Variants in TNFRSF21 observed in about 807,000 individuals in gnomAD.
TNFRSF21 encodes tumor necrosis factor receptor superfamily member 21.
TNFRSF21 carries 19 observed loss-of-function variants against 45.6 expected under a neutral mutation model. The observed-to-expected ratio is 0.42, with a 90% CI of 0.29 to 0.61. The LOEUF (loss-of-function observed/expected upper bound fraction) is 0.61, where lower values mean the gene tolerates loss of function less well. Among genes scored for constraint, TNFRSF21 ranks in the 20% least tolerant of loss-of-function variants. The pLI, the probability that TNFRSF21 is intolerant of heterozygous loss-of-function variation, is 0.23. For synonymous variants in TNFRSF21, 314 were observed against 335.5 expected (o/e 0.94, Z 0.70); for missense variants, 737 against 851.5 (o/e 0.87, Z 1.67).
At chr6:47,260,755 C>T (rs1335344158) in intron 3 of TNFRSF21, among the ~76,000 whole-genome samples, 2 of 152,172 alleles carry the variant, frequency 1.3e-5, no homozygotes, top group Non-Finnish European at 2.9e-5. Flanking sequence ...ACATAGCACT[C>T]AGTTTCATGC....
At chr6:47,288,118 A>G (rs1280870552) in intron 1 of TNFRSF21, among the ~76,000 whole-genome samples, 1 of 152,266 alleles carries the variant, frequency 6.6e-6, no homozygotes. Flanking sequence ...TTATAGCAAA[A>G]CTATTTAAAA....
chr6:47,243,135 C>A (rs1323974845), intron 4 of TNFRSF21, among the ~76,000 whole-genome samples: 2 of 152,130 alleles, frequency 1.3e-5, no homozygotes. Flanking sequence ...TAGATTCATG[C>A]CATTAGAATT....
intron 3 of TNFRSF21, among the ~76,000 whole-genome samples, chr6:47,277,204 G>A (rs913281317): frequency 3.3e-5 from 5 of 152,200 alleles, no homozygotes; most frequent in Non-Finnish European, 7.3e-5. Flanking sequence ...AGTTGGCCAG[G>A]CTGGTCTTGA....
At chr6:47,283,702 A>G (rs545026640) in intron 3 of TNFRSF21, among the ~76,000 whole-genome samples, 9 of 152,310 alleles carry the variant, frequency 5.9e-5, no homozygotes, top group East Asian at 1.9e-4. Flanking sequence ...TGATTCCACA[A>G]CATTCTTCTG....
At chr6:47,281,481 A>G (rs2113862300) in intron 3 of TNFRSF21, among the ~76,000 whole-genome samples, 1 of 152,166 alleles carries the variant, frequency 6.6e-6, no homozygotes, top group Middle Eastern at 3.4e-3. Context: ...CCCAGGTTCA[A>G]GTGATTCTCC....
At chr6:47,290,490 G>C (rs1246515054) in intron 1 of TNFRSF21, among the ~76,000 whole-genome samples, 3 of 152,094 alleles carry the variant, frequency 2.0e-5, no homozygotes, top group Non-Finnish European at 4.4e-5. Flanking sequence ...ACCAAAAAAG[G>C]TTTTCCTAGC....
chr6:47,309,318 G>A, intron 1 of TNFRSF21, 98 bp downstream of exon 1: 1 of 1,424,374 alleles, frequency 7.0e-7, no homozygotes, highest in Non-Finnish European at 9.1e-7. Flanking sequence ...CGGGCCCCGC[G>A]CCTCCCTAAG....
chr6:47,272,651 G>A (rs1014435345), intron 3 of TNFRSF21, among the ~76,000 whole-genome samples: 3 of 151,998 alleles, frequency 2.0e-5, no homozygotes, highest in African/African-American at 7.2e-5. Flanking sequence ...CAGAAGGCAA[G>A]AAAAAAGCAA....
chr6:47,269,820 C>T (rs1762385668), intron 3 of TNFRSF21, among the ~76,000 whole-genome samples: 1 of 152,180 alleles, frequency 6.6e-6, no homozygotes, highest in African/African-American at 2.4e-5. Context: ...ACCCTGTGGA[C>T]AAGAGCGCTG....
At chr6:47,234,147 C>CT (rs201403419) in intron 5 of TNFRSF21, among the ~76,000 whole-genome samples, 2,273 of 151,000 alleles carry the variant, frequency 0.015, 53 homozygotes, top group African/African-American at 0.047. Flanking sequence ...GCTAATTTTT[C>CT]TTTTTTTTTA....
intron 4 of TNFRSF21, among the ~76,000 whole-genome samples, chr6:47,244,376 T>G (rs1193502824): frequency 6.6e-6 from 1 of 152,008 alleles, no homozygotes; most frequent in Non-Finnish European, 1.5e-5. Context: ...TGAACTGTCT[T>G]GTTCACAAGA....
intron 1 of TNFRSF21, among the ~76,000 whole-genome samples, chr6:47,293,606 G>A (rs1412068046): frequency 1.3e-5 from 2 of 152,212 alleles, no homozygotes; most frequent in African/African-American, 4.8e-5. Context: ...AATACAGAGA[G>A]CAGAAGCTCA....
intron 4 of TNFRSF21, among the ~76,000 whole-genome samples, chr6:47,239,747 T>C (rs1246447857): frequency 6.6e-6 from 1 of 152,104 alleles, no homozygotes; most frequent in Non-Finnish European, 1.5e-5. Context: ...AGACCTGTGG[T>C]CTCACTTCTA....
chr6:47,308,799 C>T (rs545879124), intron 1 of TNFRSF21, among the ~76,000 whole-genome samples: 1 of 152,336 alleles, frequency 6.6e-6, no homozygotes. Flanking sequence ...GCATACAGAA[C>T]CTGAGACCCC....
intron 1 of TNFRSF21, among the ~76,000 whole-genome samples, chr6:47,302,244 C>T (rs886998074): frequency 6.6e-6 from 1 of 152,096 alleles, no homozygotes; most frequent in Admixed American, 6.6e-5. Context: ...CGGAGTTAAA[C>T]CAGTTTCTAA....
chr6:47,290,744 A>G (rs1446742551), intron 1 of TNFRSF21, among the ~76,000 whole-genome samples: 1 of 152,228 alleles, frequency 6.6e-6, no homozygotes, highest in Non-Finnish European at 1.5e-5. Context: ...GAGCCAACAA[A>G]CAATGATCCC....
At chr6:47,283,730 G>T (rs1762604269) in intron 3 of TNFRSF21, among the ~76,000 whole-genome samples, 1 of 152,160 alleles carries the variant, frequency 6.6e-6, no homozygotes, top group Non-Finnish European at 1.5e-5. Context: ...GGTACCAGGG[G>T]AAAAGGAGGA....
At chr6:47,299,432 T>C (rs1039238644) in intron 1 of TNFRSF21, among the ~76,000 whole-genome samples, 10 of 152,234 alleles carry the variant, frequency 6.6e-5, no homozygotes, top group Middle Eastern at 6.8e-3. Flanking sequence ...AGGAAGAGGT[T>C]GCAGTGAGCT....
intron 1 of TNFRSF21, among the ~76,000 whole-genome samples, chr6:47,305,038 T>C (rs1306879915): frequency 6.6e-6 from 1 of 152,178 alleles, no homozygotes; most frequent in Non-Finnish European, 1.5e-5. Context: ...GTCTTTTTTT[T>C]CTCTTATTCT....
Sources: allele counts gnomAD v4.1 joint callset (sites outside exome capture counted in the v4.1 genomes callset), GRCh38; gene constraint gnomAD v4.1.1; transcripts MANE v1.5; gene names NCBI Gene and HGNC (gene_info 2026-07-23, HGNC 2026-07-21).